The following PANK4 variants were observed in gnomAD, a reference collection of about 807,000 sequenced individuals.
PANK4 encodes 4'-phosphopantetheine phosphatase.
PANK4 carries 40 observed loss-of-function variants against 87.9 expected under a neutral mutation model. The observed-to-expected ratio is 0.46, with a 90% CI of 0.35 to 0.59. The LOEUF (loss-of-function observed/expected upper bound fraction) is 0.59, where lower values mean the gene tolerates loss of function less well. Ranked by LOEUF, PANK4 falls within the 20% of genes least tolerant of loss-of-function variation. The pLI is 0.00. For synonymous variants in PANK4, 524 were observed against 467.4 expected (o/e 1.12, Z -1.56); for missense variants, 926 against 1,072.3 (o/e 0.86, Z 1.90).
intron 2 of PANK4, 78 bp downstream of exon 2, chr1:2,521,640 T>A: frequency 1.8e-6 from 2 of 1,122,326 alleles, no homozygotes; most frequent in Non-Finnish European, 2.7e-6. Flanking sequence ...AGCAGAGGGA[T>A]GACTGCGAGA....
intron 10 of PANK4, among the ~76,000 whole-genome samples, 174 bp from the exon 11 acceptor site, chr1:2,514,640 CTGTTT>C (rs1219275888): frequency 4.1e-5 from 3 of 73,504 alleles, no homozygotes; most frequent in Admixed American, 3.5e-4. Flanking sequence ...CTGTCGGGGG[CTGTTT>C]GGGGCAGGGT....
chr1:2,508,764 T>C lies in PANK4; in HGVS notation c.*83A>G, dbSNP rs1643610170. 4.8e-6 allele frequency: 4 copies of C among 831,712 alleles called. No homozygotes were observed. The highest frequency in any genetic ancestry group is 7.9e-6 in the Non-Finnish European group (4 of 503,438). 51.5% of individuals were successfully genotyped at this position (831,712 alleles called of 1,614,324 possible). On this transcript the variant is annotated 3_prime_UTR_variant, in exon 19 of 19. Coordinates refer to ENST00000378466, the MANE Select transcript of PANK4 (RefSeq NM_018216.4). The surrounding 1 kb of genome is among the most constrained non-coding windows in gnomAD (Gnocchi z 5.1). ...GTCACAGCAGTACCATATAAATACG[T>C]TGATTTGAACGCAGTTTCCCTGTGG...
intron 7 of PANK4, 123 bp from the exon 8 acceptor site, chr1:2,518,720 C>T (rs562437110): frequency 1.9e-5 from 15 of 773,274 alleles, no homozygotes; most frequent in East Asian, 2.7e-5. Context: ...GGCGCCATGG[C>T]ACCCACGGCA....
Position 2,520,639 on chromosome 1 carries a change from C to T in PANK4, c.606+84G>A. The T allele has an allele frequency of 1.5e-6, 2 of 1,367,306 alleles. No individual in the cohort carries two copies. Among genetic ancestry groups the T allele is most frequent in the Non-Finnish European group, 2.0e-6 (2 of 978,948 alleles). 84.7% of individuals were successfully genotyped at this position (1,367,306 alleles called of 1,614,324 possible). A position where few individuals can be genotyped will look rare whatever the true frequency, so the allele number is the denominator to read the frequency against. On this transcript the variant is annotated intron_variant, in intron 4 of 18. Coordinates refer to ENST00000378466, the MANE Select transcript of PANK4 (RefSeq NM_018216.4). The surrounding 1 kb of genome is among the most constrained non-coding windows in gnomAD (Gnocchi z 6.2). ...CGCCCACTGGGCCCCATCCATGTGC[C>T]CAGCCCTGGCTCCTGCACACAGCGA...
Position 2,514,066 on chromosome 1 carries a change from C to A in PANK4, c.1511G>T (p.Arg504Leu). ...QPFAYGTLTVRSLLDTREHCL... is the reference protein window; with the variant it reads ...QPFAYGTLTVLSLLDTREHCL... Reference sequence around the variant, plus strand: ...GTGCTCCCTGGTGTCCAGCAGGCTGCGCACGGTCAGGGTCCCATAGGCGCT... The same window carrying A: ...GTGCTCCCTGGTGTCCAGCAGGCTGAGCACGGTCAGGGTCCCATAGGCGCT... Residue 504 changes from arginine (R) to leucine (L), a missense_variant, in exon 12 of 19, where the codon CGC (arginine) becomes CTC (leucine). By Grantham distance (102) the Arg-to-Leu change is moderately radical (BLOSUM62 -2). Coordinates refer to ENST00000378466, the MANE Select transcript of PANK4 (RefSeq NM_018216.4). 1 of 1,612,704 alleles carries A rather than the reference C, an allele frequency of 6.2e-7. No homozygotes were observed. Among genetic ancestry groups the A allele is most frequent in the Non-Finnish European group, 8.5e-7 (1 of 1,179,794 alleles).
intron 2 of PANK4, 60 bp downstream of exon 2, chr1:2,521,658 C>T: frequency 3.1e-6 from 4 of 1,299,342 alleles, no homozygotes; most frequent in Non-Finnish European, 4.5e-6. Context: ...AGACAAGTGC[C>T]AGGTCCAAGA....
At position 2,514,484 on chromosome 1, in the gene PANK4, AG is replaced by A. The variant is rs773476099; in HGVS notation, c.1375-19del. On this transcript the variant is annotated intron_variant, in intron 10 of 18. Coordinates refer to ENST00000378466, the MANE Select transcript of PANK4 (RefSeq NM_018216.4). ...TTCACTACCTGCCAGCGACAGAAGG[AG>A]GGGGTTAGTCAAGCGCTGGCCCTGC... 1 of 1,407,030 alleles carries A rather than the reference AG, an allele frequency of 7.1e-7. No individual in the cohort carries two copies. Among genetic ancestry groups the A allele is most frequent in the Non-Finnish European group, 9.5e-7 (1 of 1,053,324 alleles). 87.2% of individuals were successfully genotyped at this position (1,407,030 alleles called of 1,614,324 possible).
rs528083314 is a variant in PANK4, at chr1:2,515,418, G to A, written c.1374+144C>T. 10 of 918,044 alleles carry A rather than the reference G, an allele frequency of 1.1e-5. No individual in the cohort carries two copies. The highest frequency in any genetic ancestry group is 1.6e-5 in the African/African-American group (1 of 61,174). 56.9% of individuals were successfully genotyped at this position (918,044 alleles called of 1,614,324 possible). ...TATTTTTGCCTGAGAAACCAAAATCGCCCCCTCACTCAGACGCAGATCAAG... is the reference window on the plus strand; with the variant it reads ...TATTTTTGCCTGAGAAACCAAAATCACCCCCTCACTCAGACGCAGATCAAG... On this transcript the variant is annotated intron_variant, in intron 10 of 18. Transcript: ENST00000378466. This position sits in a 1 kb window ranked among gnomAD's most constrained non-coding sequence, Gnocchi z 5.0.
At chr1:2,518,881 G>A (rs1450961491) in intron 7 of PANK4, among the ~76,000 whole-genome samples, 1 of 152,228 alleles carries the variant, frequency 6.6e-6, no homozygotes, top group Non-Finnish European at 1.5e-5. Flanking sequence ...GGGGGCAGGG[G>A]CACCCTGACC....
rs555727715 is a variant in PANK4 at position 2,514,198 on chromosome 1, C to A, written c.1488-109G>T. Reference sequence around the variant, plus strand: ...CCTCAGGAGCCCGGCAGTGCAAACGCTGCTTGAGGCGGGGTCCAAGGGGGC... The same window carrying A: ...CCTCAGGAGCCCGGCAGTGCAAACGATGCTTGAGGCGGGGTCCAAGGGGGC... On this transcript the variant is annotated intron_variant, in intron 11 of 18. Transcript: ENST00000378466. 1.2e-5 allele frequency: 14 copies of A among 1,161,580 alleles called. No individual in the cohort carries two copies. In the Admixed American group the frequency reaches 2.1e-4, roughly 17 times the overall value. The allele number at this position is 1,161,580 out of a possible 1,614,324, so 72.0% of individuals were successfully genotyped here.
rs761976235 is a variant in PANK4 at position 2,512,974 on chromosome 1, C to G, written c.1641G>C (p.Ala547=). 6.2e-7 allele frequency: 1 copy of G among 1,612,266 alleles called. No homozygotes were observed. Among genetic ancestry groups the G allele is most frequent in the Non-Finnish European group, 8.5e-7 (1 of 1,179,602 alleles). Residue 547 remains alanine, a synonymous_variant, in exon 13 of 19, where the codon GCG becomes GCC. Coordinates refer to ENST00000378466, the MANE Select transcript of PANK4 (RefSeq NM_018216.4). The stretch of plus-strand genomic sequence containing the variant: ...CCAGCTGCCGTTCCTCCCAGCCCAG[C>G]GCGTCCAGGGAGCGCACGACCCCGG... ...CFPGVVRSLD[A]LGWEERQLAL...
rs371332858 is a variant in PANK4 at position 2,509,326 on chromosome 1, C to T, written c.2109-266G>A. On this transcript the variant is annotated intron_variant, in intron 18 of 18. Coordinates refer to ENST00000378466, the MANE Select transcript of PANK4 (RefSeq NM_018216.4). The surrounding 1 kb of genome is among the most constrained non-coding windows in gnomAD (Gnocchi z 4.9). ...AGGGATGGATTCCTTGTCATTTTCA[C>T]GCCCTCCTTGTTGGTGAGAGTGGGG... 3.9e-5 allele frequency among the ~76,000 whole-genome samples: 6 copies of T among 152,218 alleles called. No homozygotes were observed. Among genetic ancestry groups the T allele is most frequent in the African/African-American group, 7.2e-5 (3 of 41,450 alleles).
chr1:2,519,305 C>T lies in PANK4; in HGVS notation c.873G>A (p.Met291Ile), dbSNP rs1403170108. 6.2e-7 allele frequency: 1 copy of T among 1,609,124 alleles called. No homozygotes were observed. The highest frequency in any genetic ancestry group is 8.5e-7 in the Non-Finnish European group (1 of 1,177,406). Residue 291 changes from methionine to isoleucine, a missense_variant, in exon 7 of 19, where the codon ATG (methionine) becomes ATA (isoleucine). Physicochemically the swap from Met to Ile is conservative, Grantham distance 10 (BLOSUM62 1). Coordinates refer to ENST00000378466, the MANE Select transcript of PANK4 (RefSeq NM_018216.4). This position sits in a 1 kb window ranked among gnomAD's most constrained non-coding sequence, Gnocchi z 8.3. ...TGATCATGTGCAGCAGGCTCTTCGCCATGTCTTCTTTGGAGAACTCTGAGG... is the reference window on the plus strand; with the variant it reads ...TGATCATGTGCAGCAGGCTCTTCGCTATGTCTTCTTTGGAGAACTCTGAGG... ...TADQEFSKED[M>I]AKSLLHMISN...
At chr1:2,516,420 G>A (rs536582079) in intron 9 of PANK4, among the ~76,000 whole-genome samples, 3 of 152,334 alleles carry the variant, frequency 2.0e-5, no homozygotes, top group Admixed American at 1.3e-4. Context: ...ATGCCGGGAG[G>A]AAGTGAACTG....
At position 2,510,001 on chromosome 1, in the gene PANK4, C is replaced by T. The variant is rs1643632909; in HGVS notation, c.2039+56G>A. ...GTGACAATCCCCATGGCCCACTCTG[C>T]CCAGCTGGTGCCCCTCCCCATCAAG... On this transcript the variant is annotated intron_variant, in intron 17 of 18. Transcript: ENST00000378466. This position sits in a 1 kb window ranked among gnomAD's most constrained non-coding sequence, Gnocchi z 4.9. 1.3e-6 allele frequency: 2 copies of T among 1,576,648 alleles called. No homozygotes were observed. The highest frequency in any genetic ancestry group is 1.3e-5 in the African/African-American group (1 of 74,228).
intron 9 of PANK4, among the ~76,000 whole-genome samples, chr1:2,517,786 T>C (rs1409611677): frequency 6.6e-6 from 1 of 152,244 alleles, no homozygotes; most frequent in East Asian, 1.9e-4. Context: ...CGCGCAGTCC[T>C]AGGCAGGGCC....
At position 2,515,915 on chromosome 1, in the gene PANK4, T is replaced by C. The variant is rs989369581; in HGVS notation, c.1219-198A>G. 4.9e-6 allele frequency: 3 copies of C among 611,968 alleles called. No homozygotes were observed. Among genetic ancestry groups the C allele is most frequent in the Non-Finnish European group, 8.6e-6 (3 of 347,868 alleles). 37.9% of individuals were successfully genotyped at this position (611,968 alleles called of 1,614,324 possible). The stretch of plus-strand genomic sequence containing the variant: ...GAGCCGGATACCTTGACTTACCCCC[T>C]GGTTTGACACTGGGGTTGCGTCTGC... On this transcript the variant is annotated intron_variant, in intron 9 of 18. Coordinates refer to ENST00000378466, the MANE Select transcript of PANK4 (RefSeq NM_018216.4). This position sits in a 1 kb window ranked among gnomAD's most constrained non-coding sequence, Gnocchi z 5.0.
chr1:2,520,776 G>A lies in PANK4; in HGVS notation c.553C>T (p.His185Tyr). The A allele has an allele frequency of 6.2e-7, 1 of 1,613,530 alleles. No homozygotes were observed. Among genetic ancestry groups the A allele is most frequent in the Non-Finnish European group, 8.5e-7 (1 of 1,179,830 alleles). The change falls in exon 4 of 19, where the codon CAC (histidine) becomes TAC (tyrosine). Residue 185 changes from histidine (H) to tyrosine (Y), a missense_variant. His to Tyr is a moderately conservative substitution (Grantham distance 83). Coordinates refer to ENST00000378466, the MANE Select transcript of PANK4 (RefSeq NM_018216.4). This position sits in a 1 kb window ranked among gnomAD's most constrained non-coding sequence, Gnocchi z 6.2. ...PEFRFQTNHP[H>Y]IFPYLLVNIG... ...TTGACAAGAAGATAGGGGAAAATGT[G>A]GGGGTGGTTGGTCTGGAACCGGAAC...
intron 1 of PANK4, among the ~76,000 whole-genome samples, chr1:2,523,881 G>A (rs1228952890): frequency 2.0e-5 from 3 of 152,240 alleles, no homozygotes; most frequent in African/African-American, 7.2e-5. Context: ...GGCTGCCCGC[G>A]CTCGGCCCTG....
Sources: gnomAD v4.1 joint callset for allele counts (sites outside exome capture counted in the v4.1 genomes callset) on GRCh38, gnomAD v4.1.1 for gene constraint, Gnocchi (gnomAD v3.1) non-coding constraint, MANE v1.5 for transcripts, NCBI Gene and HGNC (gene_info 2026-07-23, HGNC 2026-07-21) for gene names.